Variants in TSNAXIP1 observed in about 807,000 individuals in gnomAD.
The protein encoded by TSNAXIP1 is translin associated factor X interacting protein 1, also known as translin-associated factor X-interacting protein 1.
TSNAXIP1 carries 89 observed loss-of-function variants against 84.8 expected under a neutral mutation model. That is an observed-to-expected ratio of 1.05 (90% CI 0.88 to 1.25). TSNAXIP1 has a LOEUF of 1.25. Among genes scored for constraint, TSNAXIP1 ranks in the 50% most tolerant of loss-of-function variants. The pLI, the probability that TSNAXIP1 is intolerant of heterozygous loss-of-function variation, is 0.00. For synonymous variants in TSNAXIP1, 347 were observed against 335.2 expected, an observed-to-expected ratio of 1.04 and a Z score of -0.39; for missense variants, 874 against 887.6, an observed-to-expected ratio of 0.98 and a Z score of 0.20.
chr16:67,824,601 TTCGGGC>T lies in TSNAXIP1; in HGVS notation c.503_508del (p.Arg168_Ala169del), dbSNP rs1159394639. 6.2e-7 allele frequency: 1 copy of T among 1,613,960 alleles called. No individual in the cohort carries two copies. The highest frequency in any genetic ancestry group is 1.1e-5 in the South Asian group (1 of 91,048). On this transcript the variant is annotated inframe_deletion, in exon 6 of 16. Transcript: ENST00000561639. ...TGCTTAGCCCACCAAAGGGAGAAGA[TTCGGGC>T]TCTGGAGCCCCTGAAGGCCAAGCTT...
intron 2 of TSNAXIP1, 22 bp from the exon 3 acceptor site, chr16:67,820,817 C>A (rs763846808): frequency 1.3e-6 from 2 of 1,484,554 alleles, no homozygotes; most frequent in African/African-American, 1.4e-5. Context: ...GCCATGGCAA[C>A]CCCACCTGTA....
chr16:67,815,814 T>G (rs2056497665), intron 2 of TSNAXIP1, among the ~76,000 whole-genome samples: 2 of 151,654 alleles, frequency 1.3e-5, no homozygotes, highest in Non-Finnish European at 2.9e-5. Context: ...CTGTTTTTTT[T>G]TTTGAGATGG....
At chr16:67,822,653 GGAT>G (rs1483929121) in intron 4 of TSNAXIP1, among the ~76,000 whole-genome samples, 1 of 152,158 alleles carries the variant, frequency 6.6e-6, no homozygotes, top group Non-Finnish European at 1.5e-5. Context: ...GCTTAAACAA[GGAT>G]GATGACAGAG....
chr16:67,827,152 A>T, intron 13 of TSNAXIP1, 80 bp downstream of exon 13: 2 of 1,605,896 alleles, frequency 1.2e-6, no homozygotes, highest in Non-Finnish European at 1.7e-6. Flanking sequence ...CCTGGTGGGA[A>T]GGGCCACAGC....
intron 2 of TSNAXIP1, among the ~76,000 whole-genome samples, chr16:67,819,895 T>G (rs2056900540): frequency 6.7e-6 from 1 of 148,538 alleles, no homozygotes; most frequent in African/African-American, 2.5e-5. Context: ...CTTGGCTCAC[T>G]GCAAACTCCG....
At chr16:67,821,849 G>T (rs979592809) in intron 4 of TSNAXIP1, among the ~76,000 whole-genome samples, 3 of 151,976 alleles carry the variant, frequency 2.0e-5, no homozygotes, top group African/African-American at 7.3e-5. Flanking sequence ...ACCTGCAGTG[G>T]TGGTACACAC....
chr16:67,815,570 G>A (rs1325337084), intron 2 of TSNAXIP1, among the ~76,000 whole-genome samples: 1 of 152,022 alleles, frequency 6.6e-6, no homozygotes, highest in East Asian at 1.9e-4. Flanking sequence ...CACAAACACA[G>A]CTCACTGCAG....
At chr16:67,807,333 G>A in intron 1 of TSNAXIP1, 137 bp downstream of exon 1, 1 of 1,534,054 alleles carries the variant, frequency 6.5e-7, no homozygotes, top group Non-Finnish European at 8.7e-7. Context: ...CAGAGTCAAT[G>A]GTTAGAATCG....
chr16:67,811,436 C>CTTTTTTTTTTTTTTT (rs1190285857), intron 1 of TSNAXIP1, among the ~76,000 whole-genome samples: 1 of 101,980 alleles, frequency 9.8e-6, no homozygotes, highest in Admixed American at 1.1e-4. Context: ...ATTGATTAGT[C>CTTTTTTTTTTTTTTT]TTTTTTTTTT....
In TSNAXIP1 at chr16:67,827,771, G is replaced by A; in HGVS notation, c.1917G>A (p.Leu639=). Residue 639 remains leucine (L), a synonymous_variant, in exon 16 of 16, where the codon CTG becomes CTA. Transcript: ENST00000561639. ...LGIELHEEVT[L]PKLRGGLMTI... ...GGGGCAGCCATGAGGAAGTGACTCT[G>A]CCCAAGCTGCGAGGGGGCCTGATGA... 2 of 1,614,020 alleles carry A rather than the reference G, an allele frequency of 1.2e-6. No homozygotes were observed.
chr16:67,826,131 G>A, intron 9 of TSNAXIP1, 21 bp from the exon 10 acceptor site: 2 of 1,613,174 alleles, frequency 1.2e-6, no homozygotes, highest in Non-Finnish European at 8.5e-7. Context: ...CCAGACTCCA[G>A]CTCCCTCTCC....
rs980866157 is a variant in TSNAXIP1, at chr16:67,827,062, G to A, written c.1654G>A (p.Glu552Lys). ...DSQNEGLLTM[E>K]QFNTVLKSTF... The stretch of plus-strand genomic sequence containing the variant: ...TCAGAACGAGGGGCTACTAACCATG[G>A]AGCAGTTCAAGTGAGAGGCCAGTCC... Residue 552 changes from glutamate to lysine, a missense_variant, in exon 13 of 16, where the codon GAG becomes AAG. Glu to Lys is a moderately conservative substitution (Grantham distance 56, BLOSUM62 1). Coordinates refer to ENST00000561639, the MANE Select transcript of TSNAXIP1 (RefSeq NM_001288990.3). 3.1e-6 allele frequency: 5 copies of A among 1,613,866 alleles called. No homozygotes were observed. In the African/African-American group the frequency reaches 5.3e-5, roughly 17 times the overall value.
rs1239917038 is a variant in TSNAXIP1, at chr16:67,827,315, G to A, written c.1731G>A (p.Gly577=). Residue 577 remains glycine (G), a synonymous_variant, in exon 14 of 16, where the codon GGG becomes GGA. Coordinates refer to ENST00000561639, the MANE Select transcript of TSNAXIP1 (RefSeq NM_001288990.3). ...AAATCCAGGAGCTGATGGAGGCAGG[G>A]GGCTGGCATCCCAGCAGCAGCAATG... ...EEQIQELMEA[G]GWHPSSSNAD... is the part of the protein sequence containing the mutation. 3.7e-6 allele frequency: 6 copies of A among 1,614,190 alleles called. No homozygotes were observed. The highest frequency in any genetic ancestry group is 4.2e-6 in the Non-Finnish European group (5 of 1,180,038).
intron 14 of TSNAXIP1, 27 bp from the exon 15 acceptor site, chr16:67,827,446 C>T (rs1272781824): frequency 1.2e-6 from 2 of 1,614,106 alleles, no homozygotes; most frequent in East Asian, 2.2e-5. Context: ...CCAATGTGCC[C>T]TCCCCCTGAC....
At position 67,824,774 on chromosome 16, in the gene TSNAXIP1, A is replaced by G; in HGVS notation, c.673A>G (p.Ser225Gly). 1 of 1,613,584 alleles carries G rather than the reference A, an allele frequency of 6.2e-7. No individual in the cohort carries two copies. Among genetic ancestry groups the G allele is most frequent in the Non-Finnish European group, 8.5e-7 (1 of 1,179,614 alleles). Residue 225 changes from serine to glycine, a missense_variant, in exon 6 of 16, where the codon AGC (serine) becomes GGC (glycine). Coordinates refer to ENST00000561639, the MANE Select transcript of TSNAXIP1 (RefSeq NM_001288990.3). The part of the protein sequence containing the change: ...KKNEEKISLQ[S>G]EVTKLRKNLA... ...GAATGAGGAGAAGATTTCATTGCAG[A>G]GCGAGGTGAATGGAAGTGGTGTGAT...
chr16:67,807,622 G>A (rs1430902922), intron 1 of TSNAXIP1: 4 of 266,236 alleles, frequency 1.5e-5, no homozygotes, highest in Admixed American at 1.5e-4. Context: ...GCGCCACTAC[G>A]CTTGGCTAAT....
intron 2 of TSNAXIP1, among the ~76,000 whole-genome samples, chr16:67,817,566 C>T (rs1474042415): frequency 2.0e-5 from 3 of 149,338 alleles, no homozygotes; most frequent in Non-Finnish European, 4.5e-5. Flanking sequence ...AAGCGTAAGC[C>T]ACCGCGCCCG....
Position 67,825,930 on chromosome 16 carries a change from G to A in TSNAXIP1, c.998G>A (p.Arg333Lys), listed in dbSNP as rs771033998. 1.2e-6 allele frequency: 2 copies of A among 1,614,000 alleles called. No individual in the cohort carries two copies. The highest frequency in any genetic ancestry group is 2.2e-5 in the East Asian group (1 of 44,886). ...KDLQEQLDTL[R>K]ASYEEVRKEH... The stretch of plus-strand genomic sequence containing the variant: ...CCTTGCCCACAGCTGGACACCCTGA[G>A]AGCCAGCTACGAGGAGGTTCGCAAG... Residue 333 changes from arginine (R) to lysine (K), a missense_variant, in exon 9 of 16, where the codon AGA (arginine) becomes AAA (lysine). Physicochemically the swap from Arg to Lys is conservative, Grantham distance 26. Transcript: ENST00000561639.
At position 67,827,582 on chromosome 16, in the gene TSNAXIP1, G is replaced by A; in HGVS notation, c.1898+3G>A. ...AAGCAGGAGCTTGGCATAGAACTGT[G>A]AGTGACCCTCATCCATAGGCGAGTC... On this transcript the variant is annotated splice_donor_region_variant and intron_variant, in intron 15 of 15. Transcript: ENST00000561639. 2 of 1,614,138 alleles carry A rather than the reference G, an allele frequency of 1.2e-6. No individual in the cohort carries two copies. Among genetic ancestry groups the A allele is most frequent in the South Asian group, 2.2e-5 (2 of 91,070 alleles).
Sources: allele counts gnomAD v4.1 joint callset (sites outside exome capture counted in the v4.1 genomes callset), GRCh38; gene constraint gnomAD v4.1.1; transcripts MANE v1.5; gene names NCBI Gene and HGNC (gene_info 2026-07-23, HGNC 2026-07-21).